The following HEATR4 variants were observed in gnomAD, a reference collection of about 807,000 sequenced individuals.
HEATR4 encodes the protein HEAT repeat containing 4, also known as HEAT repeat-containing protein 4.
In HEATR4, 95 loss-of-function variants were observed where a neutral mutation model predicts 108.8. The ratio of observed to expected loss-of-function variants is 0.87; its 90% confidence interval spans 0.74 to 1.04. The LOEUF is 1.04. Among genes scored for constraint, HEATR4 ranks in the 50% least tolerant of loss-of-function variants. The probability of loss-of-function intolerance (pLI) is 0.00; values close to 1 mark genes in which losing one functional copy is unlikely to be tolerated. For synonymous variants in HEATR4, 443 were observed against 459.4 expected, an observed-to-expected ratio of 0.96 and a Z score of 0.46; for missense variants, 1,152 against 1,253.8, an observed-to-expected ratio of 0.92 and a Z score of 1.23.
the HEATR4 span, among the ~76,000 whole-genome samples, chr14:73,577,589 GA>G: frequency 6.7e-6 from 1 of 150,296 alleles, no homozygotes. Flanking sequence ...GACTCTCTTA[GA>G]AAAGTGCAAT....
At chr14:73,499,013 A>C in intron 13 of HEATR4, 58 bp downstream of exon 13, 2 of 1,446,524 alleles carry the variant, frequency 1.4e-6, no homozygotes, top group Non-Finnish European at 1.9e-6. Flanking sequence ...GATCATTTCT[A>C]CTTGCATAGG....
the HEATR4 span, among the ~76,000 whole-genome samples, chr14:73,585,933 T>G: frequency 7.6e-6 from 1 of 131,916 alleles, no homozygotes; most frequent in Non-Finnish European, 1.6e-5. Flanking sequence ...TGCTTGAACC[T>G]GGGAGGTGGA....
At chr14:73,488,646 T>C (rs1042414460) in intron 17 of HEATR4, among the ~76,000 whole-genome samples, 12 of 152,094 alleles carry the variant, frequency 7.9e-5, no homozygotes, top group African/African-American at 2.9e-4. Flanking sequence ...TGTGAGCCAA[T>C]TAAACCTCTT....
the HEATR4 span, among the ~76,000 whole-genome samples, chr14:73,589,653 A>G: frequency 6.6e-6 from 1 of 152,268 alleles, no homozygotes; most frequent in South Asian, 2.1e-4. Flanking sequence ...TTTTTTAAGT[A>G]AACTGACATG....
At chr14:73,575,622 T>C in the HEATR4 span, 3,602 of 1,555,744 alleles carry the variant, frequency 2.3e-3, 10 homozygotes, top group Middle Eastern at 6.7e-3. Flanking sequence ...ACTAAAGTTT[T>C]TTCCCCTCAT....
At chr14:73,511,884 C>A in intron 7 of HEATR4, 122 bp downstream of exon 7, 1 of 1,194,374 alleles carries the variant, frequency 8.4e-7, no homozygotes, top group South Asian at 1.4e-5. Context: ...AGGCCAGTCT[C>A]TAAGTCTTGG....
At chr14:73,481,671 C>A (rs554817443) in intron 17 of HEATR4, among the ~76,000 whole-genome samples, 15 of 151,398 alleles carry the variant, frequency 9.9e-5, no homozygotes, top group Non-Finnish European at 2.1e-4. Context: ...GAAACCCCGT[C>A]TCTACTAAAA....
chr14:73,526,063 G>A (rs1486088621), intron 2 of HEATR4, among the ~76,000 whole-genome samples: 1 of 151,990 alleles, frequency 6.6e-6, no homozygotes, highest in Non-Finnish European at 1.5e-5. Flanking sequence ...TGGGAAAGAC[G>A]GTCCTGCATC....
chr14:73,561,919 G>C (rs1200053167), upstream of HEATR4, among the ~76,000 whole-genome samples: 1 of 152,132 alleles, frequency 6.6e-6, no homozygotes, highest in Admixed American at 6.6e-5. Flanking sequence ...TGGGTGTTGA[G>C]ACTGCAGTGA....
Position 73,534,668 on chromosome 14 carries a change from AAC to A in HEATR4, c.-151-4426_-151-4425del, listed in dbSNP as rs750810596. 8.7e-5 allele frequency among the ~76,000 whole-genome samples: 10 copies of A among 114,380 alleles called. 4 individuals carry two copies. Among genetic ancestry groups the A allele is most frequent in the Non-Finnish European group, 1.9e-4 (10 of 52,606 alleles). The allele number at this position is 114,380 out of a possible 152,430, so 75.0% of individuals were successfully genotyped here. On this transcript the variant is annotated intron_variant, in intron 1 of 17. Transcript: ENST00000553558. ...CGCACCACTGCACTCCAGCCTGGGT[AAC>A]ACAGTGAGACACCCCGTCTTAAAAA... is the stretch of plus-strand genomic sequence containing the variant.
chr14:73,566,864 G>A, the HEATR4 span, among the ~76,000 whole-genome samples: 1 of 152,180 alleles, frequency 6.6e-6, no homozygotes, highest in Admixed American at 6.5e-5. Context: ...AGGGCTGCCA[G>A]CACGCTGTCA....
chr14:73,493,596 A>AG (rs1208481539), intron 16 of HEATR4, among the ~76,000 whole-genome samples: 4 of 152,010 alleles, frequency 2.6e-5, no homozygotes, highest in African/African-American at 9.7e-5. Context: ...CTAGCACTTT[A>AG]GGAGGCCGAG....
intron 1 of HEATR4, among the ~76,000 whole-genome samples, chr14:73,550,369 C>G (rs1366342709): frequency 9.2e-6 from 1 of 108,974 alleles, no homozygotes; most frequent in African/African-American, 3.0e-5. Flanking sequence ...CCCCCATAGA[C>G]AGCATGAGCA....
intron 17 of HEATR4, chr14:73,491,932 T>A (rs373594630): frequency 1.9e-5 from 31 of 1,613,664 alleles, no homozygotes; most frequent in Non-Finnish European, 2.6e-5. Context: ...AGGCTTTCTC[T>A]ACTACTGTGT....
intron 11 of HEATR4, among the ~76,000 whole-genome samples, chr14:73,501,275 C>T (rs1020577748): frequency 2.6e-5 from 4 of 152,060 alleles, no homozygotes; most frequent in Non-Finnish European, 4.4e-5. Flanking sequence ...CCCACCACCA[C>T]GCCTGGCTAA....
chr14:73,526,027 G>A (rs56272000), intron 2 of HEATR4, among the ~76,000 whole-genome samples: 7,338 of 151,714 alleles, frequency 0.048, 259 homozygotes, highest in Non-Finnish European at 0.077. Context: ...TTTTCACATC[G>A]TATCAAGAAG....
At chr14:73,570,990 T>A in the HEATR4 span, among the ~76,000 whole-genome samples, 12 of 147,356 alleles carry the variant, frequency 8.1e-5, 1 homozygote, top group South Asian at 2.1e-4. Context: ...TTTTTTTTTT[T>A]AAATAAGAAT....
the HEATR4 span, among the ~76,000 whole-genome samples, chr14:73,627,875 T>G: frequency 2.6e-5 from 4 of 151,884 alleles, no homozygotes; most frequent in Non-Finnish European, 4.4e-5. Context: ...TGGAGGGCAG[T>G]GTTGTTCACT....
chr14:73,629,898 C>T, the HEATR4 span, among the ~76,000 whole-genome samples: 2 of 152,060 alleles, frequency 1.3e-5, no homozygotes, highest in South Asian at 2.1e-4. Flanking sequence ...CCGCCCTCCT[C>T]GGCCTCCCAA....
Sources: gnomAD v4.1 joint callset for allele counts (sites outside exome capture counted in the v4.1 genomes callset) on GRCh38, gnomAD v4.1.1 for gene constraint, MANE v1.5 for transcripts, NCBI Gene and HGNC (gene_info 2026-07-23, HGNC 2026-07-21) for gene names.